NID2: variants seen among roughly 807,000 people sequenced by gnomAD.
NID2 encodes nidogen 2.
NID2 carries 83 observed loss-of-function variants against 145.4 expected under a neutral mutation model. The observed-to-expected ratio is 0.57, with a 90% CI of 0.48 to 0.69. NID2 has a LOEUF of 0.69. Ranked by LOEUF, NID2 falls within the 30% of genes least tolerant of loss-of-function variation. The pLI, the probability that NID2 is intolerant of heterozygous loss-of-function variation, is 0.00. For missense variants in NID2, 1,807 were observed against 1,765.7 expected (o/e 1.02, Z -0.42); for synonymous variants, 739 against 701.3 (o/e 1.05, Z -0.85).
At chr14:52,036,249 C>T (rs1013879410) in intron 9 of NID2, among the ~76,000 whole-genome samples, 8 of 152,162 alleles carry the variant, frequency 5.3e-5, no homozygotes, top group African/African-American at 1.9e-4. Context: ...TTGGATATTT[C>T]ACATAATTGT....
At chr14:52,055,947 G>GTGTT (rs1892831448) in intron 3 of NID2, among the ~76,000 whole-genome samples, 1 of 151,830 alleles carries the variant, frequency 6.6e-6, no homozygotes, top group Admixed American at 6.6e-5. Context: ...GTGTTTGTGT[G>GTGTT]TGTGTGTGTG....
chr14:52,005,445 TTC>T lies in NID2; in HGVS notation c.*39_*40del. On this transcript the variant is annotated 3_prime_UTR_variant, in exon 22 of 22. Transcript: ENST00000216286. The stretch of plus-strand genomic sequence containing the variant: ...CAGTCACTGTTCTTTAGGGTCCAGG[TTC>T]TGATTGTAAACTCCAAGTCTTCCTT... The T allele has an allele frequency of 6.4e-7, 1 of 1,557,896 alleles. No individual in the cohort carries two copies. The highest frequency in any genetic ancestry group is 8.6e-7 in the Non-Finnish European group (1 of 1,156,180).
chr14:52,019,649 A>G (rs2140360997), intron 13 of NID2, among the ~76,000 whole-genome samples: 1 of 150,302 alleles, frequency 6.7e-6, no homozygotes, highest in East Asian at 1.9e-4. Context: ...GCTGCAAGCC[A>G]ACGGCACTCA....
intron 3 of NID2, among the ~76,000 whole-genome samples, chr14:52,057,780 A>G (rs1429672780): frequency 2.0e-5 from 3 of 152,064 alleles, no homozygotes; most frequent in Admixed American, 6.5e-5. Flanking sequence ...AAATGTTTAC[A>G]ATGTATAAAT....
chr14:52,011,420 C>G, intron 17 of NID2, 134 bp downstream of exon 17: 8 of 1,072,186 alleles, frequency 7.5e-6, no homozygotes, highest in Middle Eastern at 4.5e-4. Flanking sequence ...TAGTCTTATA[C>G]AGCTCAATAA....
At chr14:52,013,841 C>G (rs1891116144) in intron 16 of NID2, among the ~76,000 whole-genome samples, 1 of 152,198 alleles carries the variant, frequency 6.6e-6, no homozygotes. Flanking sequence ...AACGGTGAGA[C>G]AGTCATTAAC....
chr14:52,024,954 T>C (rs1891539521), intron 12 of NID2, among the ~76,000 whole-genome samples: 1 of 152,186 alleles, frequency 6.6e-6, no homozygotes, highest in African/African-American at 2.4e-5. Context: ...TAAATTAATA[T>C]TCTGATTAAC....
chr14:52,019,031 C>T (rs1891310523), intron 14 of NID2, 30 bp downstream of exon 14: 5 of 1,574,460 alleles, frequency 3.2e-6, no homozygotes, highest in Non-Finnish European at 4.4e-6. Flanking sequence ...CAGTGCCATT[C>T]TGCTTCTTGA....
At chr14:52,061,556 C>T (rs1056681835) in intron 2 of NID2, among the ~76,000 whole-genome samples, 16 of 151,960 alleles carry the variant, frequency 1.1e-4, no homozygotes, top group Non-Finnish European at 1.9e-4. Flanking sequence ...GGCCAAGAGC[C>T]GGGGTGTGTG....
intron 2 of NID2, among the ~76,000 whole-genome samples, chr14:52,063,135 G>A (rs1893066598): frequency 6.6e-6 from 1 of 152,162 alleles, no homozygotes; most frequent in African/African-American, 2.4e-5. Context: ...GTCTTGAAGG[G>A]CTCCCCCTCT....
intron 9 of NID2, among the ~76,000 whole-genome samples, chr14:52,029,986 T>C (rs754569343): frequency 5.3e-5 from 8 of 152,206 alleles, no homozygotes; most frequent in Non-Finnish European, 7.3e-5. Context: ...TTTTGCTCTA[T>C]TATTTCCTGT....
intron 5 of NID2, among the ~76,000 whole-genome samples, chr14:52,044,301 G>T (rs1233652369): frequency 8.7e-6 from 1 of 114,310 alleles, no homozygotes; most frequent in Admixed American, 1.3e-4. Context: ...ACGGAGTCTC[G>T]CTCTGTCGCC....
chr14:52,035,114 C>G (rs142251075), intron 9 of NID2, among the ~76,000 whole-genome samples: 1 of 152,236 alleles, frequency 6.6e-6, no homozygotes, highest in East Asian at 1.9e-4. Context: ...TCAATACTGA[C>G]ACATTATTAA....
intron 3 of NID2, 60 bp downstream of exon 3, chr14:52,060,064 G>T: frequency 8.2e-7 from 1 of 1,226,428 alleles, no homozygotes; most frequent in Non-Finnish European, 1.2e-6. Context: ...CTTGTGTTCA[G>T]GTACTTCCTA....
intron 3 of NID2, among the ~76,000 whole-genome samples, chr14:52,057,267 GCCTGA>G (rs1892880178): frequency 3.9e-5 from 6 of 152,148 alleles, no homozygotes; most frequent in Admixed American, 3.9e-4. Context: ...GGCCTTGAAT[GCCTGA>G]GCTCAAGCAA....
chr14:52,060,243 A>T lies in NID2; in HGVS notation c.648T>A (p.Asn216Lys), dbSNP rs1301665202. Residue 216 changes from asparagine to lysine, a missense_variant, in exon 3 of 22, where the codon AAT becomes AAA. Asn to Lys is a moderately conservative substitution (Grantham distance 94, BLOSUM62 0). Coordinates refer to ENST00000216286, the MANE Select transcript of NID2 (RefSeq NM_007361.4). ...FLGTRPKESY[N>K]VQLQLPARVG... is the part of the protein sequence containing the mutation. ...CCCGAGCTGGAAGCTGAAGCTGGAC[A>T]TTGTAAGACTCTTTGGGGCGGGTTC... 6.2e-7 allele frequency: 1 copy of T among 1,613,996 alleles called. No individual in the cohort carries two copies. The highest frequency in any genetic ancestry group is 1.3e-5 in the African/African-American group (1 of 74,994).
At chr14:52,011,463 G>A (rs1891016693) in intron 17 of NID2, 91 bp downstream of exon 17, 1 of 1,532,790 alleles carries the variant, frequency 6.5e-7, no homozygotes, top group Admixed American at 1.7e-5. Flanking sequence ...CTCCCCTAAT[G>A]GAGAAAAATC....
chr14:52,037,269 GT>G (rs1892106375), intron 9 of NID2, among the ~76,000 whole-genome samples: 1 of 151,688 alleles, frequency 6.6e-6, no homozygotes, highest in African/African-American at 2.4e-5. Flanking sequence ...TGTGTTTTTT[GT>G]TTTGTTTTGT....
chr14:52,016,636 T>G (rs1891222784), intron 14 of NID2, among the ~76,000 whole-genome samples: 1 of 152,204 alleles, frequency 6.6e-6, no homozygotes, highest in South Asian at 2.1e-4. Flanking sequence ...ATCCTCTCCC[T>G]GCAATTTCTG....
Sources: allele counts gnomAD v4.1 joint callset (sites outside exome capture counted in the v4.1 genomes callset), GRCh38; gene constraint gnomAD v4.1.1; transcripts MANE v1.5; gene names NCBI Gene and HGNC (gene_info 2026-07-23, HGNC 2026-07-21).